Variants in CSNK2A2IP observed in about 807,000 individuals in gnomAD.
CSNK2A2IP encodes the protein casein kinase II subunit alpha'-interacting protein.
chr3:88,379,756 A>G, the CSNK2A2IP span, among the ~76,000 whole-genome samples: 1 of 152,118 alleles, frequency 6.6e-6, no homozygotes, highest in Non-Finnish European at 1.5e-5. Context: ...TGTTAGGCCA[A>G]TCATGACAAC....
the CSNK2A2IP span, among the ~76,000 whole-genome samples, chr3:88,418,080 TGTA>T: frequency 6.6e-6 from 1 of 151,958 alleles, no homozygotes; most frequent in African/African-American, 2.4e-5. Context: ...GAATTGGGAC[TGTA>T]GTAAATTTTA....
the CSNK2A2IP span, among the ~76,000 whole-genome samples, chr3:88,455,665 A>G: frequency 7.9e-5 from 12 of 151,692 alleles, no homozygotes; most frequent in East Asian, 2.3e-3. Flanking sequence ...TTTTCATTTT[A>G]TTGATTGTTT....
At chr3:88,418,483 C>T in the CSNK2A2IP span, among the ~76,000 whole-genome samples, 4 of 147,326 alleles carry the variant, frequency 2.7e-5, no homozygotes, top group South Asian at 8.6e-4. Flanking sequence ...CGTGTGTTCT[C>T]TCTTGTGGGT....
chr3:88,465,257 A>T, the CSNK2A2IP span: 4 of 624,118 alleles, frequency 6.4e-6, no homozygotes, highest in Non-Finnish European at 9.2e-6. Context: ...ACTGTTATGT[A>T]AAAGTATCCA....
At chr3:88,367,070 C>G in the CSNK2A2IP span, among the ~76,000 whole-genome samples, 380 of 152,162 alleles carry the variant, frequency 2.5e-3, 3 homozygotes, top group African/African-American at 8.5e-3. Context: ...ATTATGGGAA[C>G]TACAATTTAA....
At chr3:88,419,161 T>A in the CSNK2A2IP span, among the ~76,000 whole-genome samples, 1 of 152,170 alleles carries the variant, frequency 6.6e-6, no homozygotes, top group African/African-American at 2.4e-5. Flanking sequence ...TATATTACAA[T>A]GTAATAATAA....
the CSNK2A2IP span, among the ~76,000 whole-genome samples, chr3:88,400,854 A>T: frequency 5.3e-5 from 8 of 152,206 alleles, no homozygotes; most frequent in African/African-American, 1.9e-4. Context: ...ACAAGAAACT[A>T]ATGTAAAAGT....
At chr3:88,430,743 G>A in the CSNK2A2IP span, among the ~76,000 whole-genome samples, 2 of 151,900 alleles carry the variant, frequency 1.3e-5, no homozygotes, top group Non-Finnish European at 2.9e-5. Flanking sequence ...CAACTAAAAC[G>A]AAGTAGTAAC....
chr3:88,446,034 CTTTCTTTCTTTCTTTCTTTCTT>C, the CSNK2A2IP span, among the ~76,000 whole-genome samples: 59 of 22,098 alleles, frequency 2.7e-3, 1 homozygote, highest in African/African-American at 9.9e-3. Context: ...TGTTTCTTTT[CTTTCTTTCTTTCTTTCTTTCTT>C]TCTTTCTTTC....
chr3:88,423,600 A>G, the CSNK2A2IP span, among the ~76,000 whole-genome samples: 1 of 152,102 alleles, frequency 6.6e-6, no homozygotes, highest in Non-Finnish European at 1.5e-5. Flanking sequence ...AGGCACTAAT[A>G]TGTGAAGAAA....
At chr3:88,407,209 A>T in the CSNK2A2IP span, among the ~76,000 whole-genome samples, 7 of 148,082 alleles carry the variant, frequency 4.7e-5, no homozygotes, top group Non-Finnish European at 8.9e-5. Context: ...TTACTCTATC[A>T]TGTACCAGGT....
At chr3:88,385,621 A>G in the CSNK2A2IP span, among the ~76,000 whole-genome samples, 1 of 152,190 alleles carries the variant, frequency 6.6e-6, no homozygotes, top group Non-Finnish European at 1.5e-5. Flanking sequence ...GAACATATTT[A>G]TAGGTTTATT....
the CSNK2A2IP span, among the ~76,000 whole-genome samples, chr3:88,343,861 C>T: frequency 6.6e-6 from 1 of 151,692 alleles, no homozygotes; most frequent in East Asian, 1.9e-4. Context: ...TATGGTAGAA[C>T]ACAAAAAAAT....
the CSNK2A2IP span, among the ~76,000 whole-genome samples, chr3:88,459,305 A>T: frequency 6.6e-6 from 1 of 152,106 alleles, no homozygotes; most frequent in Non-Finnish European, 1.5e-5. Context: ...ATTTTTAGAG[A>T]TAATTATATA....
the CSNK2A2IP span, among the ~76,000 whole-genome samples, chr3:88,421,669 G>A: frequency 6.6e-6 from 1 of 151,966 alleles, no homozygotes; most frequent in Non-Finnish European, 1.5e-5. Flanking sequence ...CACCCACCTC[G>A]GCCTCTCAAA....
At chr3:88,434,352 A>C in the CSNK2A2IP span, among the ~76,000 whole-genome samples, 536 of 127,632 alleles carry the variant, frequency 4.2e-3, 1 homozygote, top group African/African-American at 0.013. Flanking sequence ...ATCCAAATGC[A>C]GAAAAAAAAA....
chr3:88,466,746 T>C, the CSNK2A2IP span: 1 of 883,530 alleles, frequency 1.1e-6, no homozygotes, highest in African/African-American at 1.7e-5. Context: ...GGCCAAATCC[T>C]CATCCTGGTC....
the CSNK2A2IP span, among the ~76,000 whole-genome samples, chr3:88,363,487 T>C: frequency 1.3e-5 from 2 of 152,186 alleles, no homozygotes; most frequent in Non-Finnish European, 2.9e-5. Context: ...CTTCTAATAA[T>C]TAATTGTGTT....
the CSNK2A2IP span, among the ~76,000 whole-genome samples, chr3:88,410,420 T>A: frequency 3.9e-5 from 6 of 152,180 alleles, no homozygotes; most frequent in African/African-American, 1.4e-4. Flanking sequence ...CTGAAACTTC[T>A]GGCTTCTTTT....
Sources: allele counts gnomAD v4.1 joint callset (sites outside exome capture counted in the v4.1 genomes callset), GRCh38; gene constraint gnomAD v4.1.1; transcripts MANE v1.5; gene names NCBI Gene and HGNC (gene_info 2026-07-23, HGNC 2026-07-21).